The following TOPBP1 variants were observed in gnomAD, a reference collection of about 807,000 sequenced individuals.
TOPBP1 encodes DNA topoisomerase 2-binding protein 1.
A neutral mutation model predicts 167.7 loss-of-function variants in TOPBP1; 28 were observed. That is an observed-to-expected ratio of 0.17 (90% confidence interval 0.12 to 0.23). The LOEUF is 0.23. TOPBP1 is among the 10% of genes least tolerant of loss of function. The pLI is 1.00. For missense variants in TOPBP1, 1,554 were observed against 1,809.6 expected (o/e 0.86, Z 2.56); for synonymous variants, 598 against 611.4 (o/e 0.98, Z 0.32).
chr3:133,617,372 T>G (rs756068109), intron 21 of TOPBP1, 46 bp from the exon 22 acceptor site: 1 of 1,489,788 alleles, frequency 6.7e-7, no homozygotes, highest in Admixed American at 2.6e-5. Flanking sequence ...CAAATAAGAC[T>G]AAAAACAAAT....
At chr3:133,659,885 G>A (rs867378760) in intron 2 of TOPBP1, among the ~76,000 whole-genome samples, 9 of 152,018 alleles carry the variant, frequency 5.9e-5, no homozygotes, top group South Asian at 2.1e-4. Flanking sequence ...AGGTCCTTAT[G>A]TTAAATACAG....
Position 133,620,038 on chromosome 3 carries a change from G to GA in TOPBP1, c.3371+116dup, listed in dbSNP as rs1172413395. 2.8e-5 allele frequency: 32 copies of GA among 1,135,282 alleles called. No individual in the cohort carries two copies. The Admixed American group carries it at 7.5e-4, about 27-fold the overall frequency. The allele number at this position is 1,135,282 out of a possible 1,614,324, so 70.3% of individuals were successfully genotyped here. A position where few individuals can be genotyped will look rare whatever the true frequency, so the allele number is the denominator to read the frequency against. On this transcript the variant is annotated intron_variant, in intron 20 of 27. Transcript: ENST00000260810. ...ATTTCAGCTTTTACTGCATATTGGG[G>GA]AAAAAAAGAAAAAAAAGCTAAATTA...
rs755543263 is a variant in TOPBP1 at position 133,628,394 on chromosome 3, A to G, written c.2772T>C (p.Asn924=). Residue 924 remains asparagine, a synonymous_variant, in exon 16 of 28, where the codon AAT becomes AAC. Transcript: ENST00000260810. ...KKLSKKQSEL[N]GIAASLGADY... ...CTGCTCCTAGAGAGGCTGCGATCCC[A>G]TTTAGTTCACTCTGCTTCTTACTGA... The G allele has an allele frequency of 1.9e-6, 3 of 1,607,390 alleles. No individual in the cohort carries two copies. The East Asian group carries it at 6.7e-5, about 36-fold the overall frequency.
At chr3:133,604,959 G>T (rs1934441390) in intron 27 of TOPBP1, among the ~76,000 whole-genome samples, 1 of 151,630 alleles carries the variant, frequency 6.6e-6, no homozygotes, top group African/African-American at 2.4e-5. Context: ...AGTCCAGGTG[G>T]CTCATGCCTA....
rs1019215180 is a variant in TOPBP1 at position 133,628,705 on chromosome 3, C to G, written c.2549G>C (p.Gly850Ala). The G allele has an allele frequency of 1.3e-6, 2 of 1,553,514 alleles. No homozygotes were observed. Residue 850 changes from glycine (G) to alanine (A), a missense_variant, in exon 15 of 28, where the codon GGA (glycine) becomes GCA (alanine). Physicochemically the swap from Gly to Ala is moderately conservative, Grantham distance 60 (BLOSUM62 0). This residue lies in a region of TOPBP1 where 1,197 missense variants were observed against 1,351.5 expected (regional missense o/e 0.89). Transcript: ENST00000260810. Reference sequence around the variant, plus strand: ...TTTCCTTTTCTGTTGGCTGGGACGTCCTGGAGTTTCCAAGGCTGCAAGTGC... The same window carrying G: ...TTTCCTTTTCTGTTGGCTGGGACGTGCTGGAGTTTCCAAGGCTGCAAGTGC... ...KDALAALETP[G>A]RPSQQKRKPS...
Position 133,643,242 on chromosome 3 carries a change from T to G in TOPBP1, c.1979A>C (p.Glu660Ala), listed in dbSNP as rs1305255756. The change falls in exon 12 of 28, where the codon GAA becomes GCA. Residue 660 changes from glutamate (E) to alanine (A), a missense_variant. By Grantham distance (107) the Glu-to-Ala change is moderately radical (BLOSUM62 -1). Transcript: ENST00000260810. Reference sequence around the variant, plus strand: ...TGCTAGGAATGTTAAAGACTCTTTTTCTGCTCCAGCACACTGGCTAAATGA... The same window carrying G: ...TGCTAGGAATGTTAAAGACTCTTTTGCTGCTCCAGCACACTGGCTAAATGA... The part of the protein sequence containing the change: ...VISFSQCAGA[E>A]KESLTFLANL... The G allele has an allele frequency of 6.2e-7, 1 of 1,606,780 alleles. No homozygotes were observed. Among genetic ancestry groups the G allele is most frequent in the Non-Finnish European group, 8.5e-7 (1 of 1,177,648 alleles).
In TOPBP1 at chr3:133,655,572, C is replaced by T. The variant is rs145428248; in HGVS notation, c.546-86G>A. On this transcript the variant is annotated intron_variant, in intron 5 of 27. Transcript: ENST00000260810. ...CAACACAAATATCACTATTGCTTCCCTCATTTTTTAGGATTTATAATCTTT... is the reference window on the plus strand; with the variant it reads ...CAACACAAATATCACTATTGCTTCCTTCATTTTTTAGGATTTATAATCTTT... 347 of 719,952 alleles carry T rather than the reference C, an allele frequency of 4.8e-4. No homozygotes were observed. The African/African-American group carries it at 5.6e-3, about 12-fold the overall frequency. 44.6% of individuals were successfully genotyped at this position (719,952 alleles called of 1,614,324 possible).
intron 23 of TOPBP1, among the ~76,000 whole-genome samples, chr3:133,613,283 T>C (rs758793547): frequency 4.6e-5 from 7 of 152,250 alleles, no homozygotes; most frequent in South Asian, 2.1e-4. Context: ...TCAGATCTAA[T>C]AGGATTAACA....
intron 14 of TOPBP1, among the ~76,000 whole-genome samples, chr3:133,632,678 C>A (rs1487664871): frequency 3.9e-5 from 6 of 152,150 alleles, no homozygotes; most frequent in Admixed American, 3.9e-4. Context: ...GAAGTAGATC[C>A]CAATGCCTCT....
In TOPBP1 at chr3:133,628,439, C is replaced by T; in HGVS notation, c.2727G>A (p.Val909=). ...EEAPKPLHKV[V]VCVSKKLSKK... is the part of the protein sequence containing the mutation. ...TACTGAGTTTTTTACTAACACATAC[C>T]ACTACTTTGTGAAGTGGCTTTGGGG... The change falls in exon 16 of 28, where the codon GTG becomes GTA. Residue 909 remains valine (V), a synonymous_variant. Coordinates refer to ENST00000260810, the MANE Select transcript of TOPBP1 (RefSeq NM_007027.4). The T allele has an allele frequency of 6.2e-7, 1 of 1,611,282 alleles. No individual in the cohort carries two copies. Among genetic ancestry groups the T allele is most frequent in the Non-Finnish European group, 8.5e-7 (1 of 1,178,668 alleles).
Position 133,601,240 on chromosome 3 carries a change from G to T in TOPBP1, c.*10C>A. On this transcript the variant is annotated 3_prime_UTR_variant, in exon 28 of 28. Transcript: ENST00000260810. ...ACATTTAATGTTTGGTAACTAAAGG[G>T]TAGATGCGATTAGTGTACTCTAGGT... 6.3e-7 allele frequency: 1 copy of T among 1,588,970 alleles called. No homozygotes were observed. The highest frequency in any genetic ancestry group is 8.5e-7 in the Non-Finnish European group (1 of 1,172,542).
intron 14 of TOPBP1, among the ~76,000 whole-genome samples, chr3:133,630,820 C>G (rs1935448249): frequency 6.6e-6 from 1 of 152,184 alleles, no homozygotes; most frequent in African/African-American, 2.4e-5. Context: ...TATAGTTAGG[C>G]CTTCCCCACA....
intron 27 of TOPBP1, among the ~76,000 whole-genome samples, chr3:133,608,179 T>G (rs946821051): frequency 2.0e-5 from 3 of 152,138 alleles, no homozygotes; most frequent in African/African-American, 7.2e-5. Context: ...TTAATGTACA[T>G]GAAAGCAAAC....
rs369207870 is a variant in TOPBP1 at position 133,657,882 on chromosome 3, A to G, written c.279T>C (p.Cys93=). ...AAACTGGATGTTCGGCTCTTGGGACACATCGCTGGTGGTGCATACAAAATA... is the reference window on the plus strand; with the variant it reads ...AAACTGGATGTTCGGCTCTTGGGACGCATCGCTGGTGGTGCATACAAAATA... The part of the protein sequence containing the change: ...VVIFCMHHQR[C]VPRAEHPVYN... The change falls in exon 4 of 28, where the codon TGT becomes TGC. Residue 93 remains cysteine, a synonymous_variant. Coordinates refer to ENST00000260810, the MANE Select transcript of TOPBP1 (RefSeq NM_007027.4). 6.2e-7 allele frequency: 1 copy of G among 1,601,482 alleles called. No individual in the cohort carries two copies. The highest frequency in any genetic ancestry group is 8.5e-7 in the Non-Finnish European group (1 of 1,175,220).
At chr3:133,618,023 A>G (rs1361877101) in intron 21 of TOPBP1, 190 bp downstream of exon 21, 1 of 563,464 alleles carries the variant, frequency 1.8e-6, no homozygotes, top group Admixed American at 3.1e-5. Context: ...ATGTTTTTCA[A>G]TTTACTGATG....
At chr3:133,622,510 T>G (rs569183183) in intron 19 of TOPBP1, among the ~76,000 whole-genome samples, 9 of 152,142 alleles carry the variant, frequency 5.9e-5, no homozygotes, top group Non-Finnish European at 1.0e-4. Flanking sequence ...TTGTTTGTTT[T>G]TTTTTAATGG....
chr3:133,610,969 C>A, intron 25 of TOPBP1, 35 bp downstream of exon 25: 1 of 1,546,450 alleles, frequency 6.5e-7, no homozygotes, highest in Non-Finnish European at 8.8e-7. Context: ...ATATTGAATG[C>A]TATTTGTATT....
At chr3:133,610,151 C>T (rs967525793) in intron 25 of TOPBP1, among the ~76,000 whole-genome samples, 13 of 152,248 alleles carry the variant, frequency 8.5e-5, no homozygotes, top group African/African-American at 2.9e-4. Context: ...TCTGTGATTT[C>T]ATATTGTGGG....
At position 133,643,223 on chromosome 3, in the gene TOPBP1, G is replaced by C. The variant is rs747683053; in HGVS notation, c.1998C>G (p.Phe666Leu). ...ACCTTGCTCCAAGGAGGTTTGCTAG[G>C]AATGTTAAAGACTCTTTTTCTGCTC... is the stretch of plus-strand genomic sequence containing the variant. The part of the protein sequence containing the change: ...CAGAEKESLT[F>L]LANLLGASVQ... Residue 666 changes from phenylalanine to leucine, a missense_variant, in exon 12 of 28, where the codon TTC becomes TTG. By Grantham distance (22) the Phe-to-Leu change is conservative. Around this residue, in one of 3 missense-constraint regions of TOPBP1, gnomAD observed 1,197 missense variants for 1,351.5 expected, o/e 0.89. Coordinates refer to ENST00000260810, the MANE Select transcript of TOPBP1 (RefSeq NM_007027.4). 1.9e-6 allele frequency: 3 copies of C among 1,600,196 alleles called. No individual in the cohort carries two copies. Among genetic ancestry groups the C allele is most frequent in the Non-Finnish European group, 2.6e-6 (3 of 1,175,598 alleles).
Sources: allele counts gnomAD v4.1 joint callset (sites outside exome capture counted in the v4.1 genomes callset), GRCh38; gene constraint gnomAD v4.1.1; regional missense constraint gnomAD v4.1.1; transcripts MANE v1.5; gene names NCBI Gene and HGNC (gene_info 2026-07-23, HGNC 2026-07-21).